Variants in SPC24 observed in about 807,000 individuals in gnomAD.
SPC24 encodes the protein kinetochore protein Spc24.
Under a neutral mutation model 27.6 loss-of-function variants are expected in SPC24, and 31 were observed. The ratio of observed to expected loss-of-function variants is 1.12; its 90% CI spans 0.84 to 1.52. SPC24 has a LOEUF of 1.52. Ranked by LOEUF, SPC24 falls within the 40% of genes most tolerant of loss-of-function variation. The pLI is 0.00. For synonymous variants in SPC24, 105 were observed against 105.8 expected (o/e 0.99, Z 0.05); for missense variants, 284 against 252.5 (o/e 1.12, Z -0.84).
chr19:11,154,417 T>C (rs2077896086), intron 1 of SPC24, among the ~76,000 whole-genome samples: 1 of 152,058 alleles, frequency 6.6e-6, no homozygotes, highest in Non-Finnish European at 1.5e-5. Flanking sequence ...CGCATAAGTG[T>C]GTTCTCAGCT....
intron 1 of SPC24, among the ~76,000 whole-genome samples, chr19:11,152,434 T>C (rs2077879785): frequency 1.3e-5 from 2 of 152,184 alleles, no homozygotes; most frequent in African/African-American, 4.8e-5. Flanking sequence ...GGTCTTTAAC[T>C]CCTGTCCTCA....
At position 11,147,300 on chromosome 19, in the gene SPC24, G is replaced by T; in HGVS notation, c.488-11C>A. On this transcript the variant is annotated splice_polypyrimidine_tract_variant and intron_variant, in intron 4 of 4. Coordinates refer to ENST00000592540, the MANE Select transcript of SPC24 (RefSeq NM_182513.4). ...TGGGGCCATGATGGACTGAGGCACA[G>T]ATGTAAGGAAAGCCCGGGACACACA... 1.3e-6 allele frequency: 2 copies of T among 1,549,054 alleles called. No homozygotes were observed. The highest frequency in any genetic ancestry group is 1.8e-6 in the Non-Finnish European group (2 of 1,142,608).
chr19:11,150,239 C>G (rs920902504), intron 1 of SPC24, among the ~76,000 whole-genome samples: 3 of 148,768 alleles, frequency 2.0e-5, no homozygotes, highest in Non-Finnish European at 4.4e-5. Context: ...ACCTGTAATC[C>G]CAGCGCTTTG....
chr19:11,154,608 T>C (rs1317884119), intron 1 of SPC24, among the ~76,000 whole-genome samples: 3 of 152,170 alleles, frequency 2.0e-5, no homozygotes, highest in African/African-American at 4.8e-5. Context: ...GAGGACATTA[T>C]GCTCCATGAA....
In SPC24 at chr19:11,148,051, C is replaced by G. The variant is rs745329897; in HGVS notation, c.372G>C (p.Glu124Asp). The change falls in exon 3 of 5, where the codon GAG becomes GAC. Residue 124 changes from glutamate to aspartate, a missense_variant. By Grantham distance (45) the Glu-to-Asp change is conservative. Coordinates refer to ENST00000592540, the MANE Select transcript of SPC24 (RefSeq NM_182513.4). ...IEADLERQEKEVDEDTTVTIP... is the reference protein window; with the variant it reads ...IEADLERQEKDVDEDTTVTIP... Reference sequence around the variant, plus strand: ...TTGTGACTGTCGTGTCCTCGTCGACCTCCTTCTCCTGTCGCTCCAGATCCG... The same window carrying G: ...TTGTGACTGTCGTGTCCTCGTCGACGTCCTTCTCCTGTCGCTCCAGATCCG... The G allele has an allele frequency of 6.2e-7, 1 of 1,613,902 alleles. No individual in the cohort carries two copies. The highest frequency in any genetic ancestry group is 1.1e-5 in the South Asian group (1 of 91,070).
chr19:11,151,491 C>T lies in SPC24; in HGVS notation c.161-2253G>A, dbSNP rs536420709. 2.1e-3 allele frequency among the ~76,000 whole-genome samples: 319 copies of T among 152,256 alleles called. 1 individual carries two copies. Among genetic ancestry groups the T allele is most frequent in the African/African-American group, 7.2e-3 (298 of 41,556 alleles). Reference sequence around the variant, plus strand: ...ACAGCCTTCCCACCCGCTGTCTGTCCGCCCTCCCGAAGGACAACCAAGTCT... The same window carrying T: ...ACAGCCTTCCCACCCGCTGTCTGTCTGCCCTCCCGAAGGACAACCAAGTCT... On this transcript the variant is annotated intron_variant, in intron 1 of 4. Transcript: ENST00000592540.
chr19:11,150,684 T>C (rs2077864291), intron 1 of SPC24, among the ~76,000 whole-genome samples: 1 of 151,992 alleles, frequency 6.6e-6, no homozygotes, highest in Non-Finnish European at 1.5e-5. Flanking sequence ...TAGTCCCACC[T>C]ACTTGGGAGG....
intron 4 of SPC24, chr19:11,147,604 T>C: frequency 3.4e-6 from 2 of 589,614 alleles, no homozygotes; most frequent in East Asian, 5.7e-5. Flanking sequence ...TGCTATACTT[T>C]ACTATATTTA....
chr19:11,151,481 G>A (rs1001208338), intron 1 of SPC24, among the ~76,000 whole-genome samples: 5 of 152,112 alleles, frequency 3.3e-5, no homozygotes, highest in East Asian at 1.9e-4. Context: ...CTTCCCACCC[G>A]CTGTCTGTCC....
At chr19:11,148,985 G>A (rs572165459) in intron 2 of SPC24, 109 bp downstream of exon 2, 996 of 1,129,390 alleles carry the variant, frequency 8.8e-4, no homozygotes, top group Admixed American at 1.2e-3. Flanking sequence ...GGGCTCAAGT[G>A]ATCCTCCCAC....
Position 11,147,891 on chromosome 19 carries a change from G to A in SPC24, c.414C>T (p.Tyr138=), listed in dbSNP as rs770724872. ...DTTVTIPSAV[Y]VAQLYHQVSK... Reference sequence around the variant, plus strand: ...TAACTTGGTGGTAAAGTTGAGCCACGTACCTGTACAGGAAGACAAAAAAAA... The same window carrying A: ...TAACTTGGTGGTAAAGTTGAGCCACATACCTGTACAGGAAGACAAAAAAAA... The change falls in exon 4 of 5, where the codon TAC becomes TAT. Residue 138 remains tyrosine (Y), a synonymous_variant. Coordinates refer to ENST00000592540, the MANE Select transcript of SPC24 (RefSeq NM_182513.4). 2.0e-5 allele frequency: 30 copies of A among 1,476,808 alleles called. No individual in the cohort carries two copies. Among genetic ancestry groups the A allele is most frequent in the African/African-American group, 6.2e-5 (4 of 64,184 alleles). The allele number at this position is 1,476,808 out of a possible 1,614,324, so 91.5% of individuals were successfully genotyped here.
chr19:11,153,722 T>A (rs532744332), intron 1 of SPC24, among the ~76,000 whole-genome samples: 1 of 146,280 alleles, frequency 6.8e-6, no homozygotes, highest in African/African-American at 2.6e-5. Flanking sequence ...ATCACGCTGC[T>A]GTACTCCAGC....
chr19:11,151,244 T>C (rs2077869013), intron 1 of SPC24, among the ~76,000 whole-genome samples: 1 of 151,206 alleles, frequency 6.6e-6, no homozygotes, highest in Non-Finnish European at 1.5e-5. Flanking sequence ...AATCAGAGTA[T>C]GACATGTATA....
intron 1 of SPC24, among the ~76,000 whole-genome samples, chr19:11,151,851 G>A (rs1383424736): frequency 2.0e-5 from 3 of 148,798 alleles, no homozygotes; most frequent in Non-Finnish European, 4.4e-5. Context: ...CTTGTGATCC[G>A]CCCACCTTGG....
intron 4 of SPC24, 58 bp downstream of exon 4, chr19:11,147,760 C>A (rs766093793): frequency 1.4e-6 from 2 of 1,475,214 alleles, no homozygotes; most frequent in Admixed American, 1.8e-5. Flanking sequence ...TGCTATGCAC[C>A]ATTTTATGTC....
chr19:11,155,706 T>A lies in SPC24; in HGVS notation c.71A>T (p.Glu24Val), dbSNP rs1029440924. The change falls in exon 1 of 5, where the codon GAG becomes GTG. Residue 24 changes from glutamate (E) to valine (V), a missense_variant. Glu to Val is a moderately radical substitution (Grantham distance 121, BLOSUM62 -2). Coordinates refer to ENST00000592540, the MANE Select transcript of SPC24 (RefSeq NM_182513.4). ...LLSLLGANRA[E>V]AQQRRLLGRH... Reference sequence around the variant, plus strand: ...CCCCAGCAGCCGTCGCTGCTGCGCCTCCGCGCGGTTGGCGCCCAGCAGGCT... The same window carrying A: ...CCCCAGCAGCCGTCGCTGCTGCGCCACCGCGCGGTTGGCGCCCAGCAGGCT... 8.3e-6 allele frequency: 13 copies of A among 1,572,030 alleles called. No individual in the cohort carries two copies. Among genetic ancestry groups the A allele is most frequent in the Non-Finnish European group, 1.0e-5 (12 of 1,167,030 alleles).
At chr19:11,149,698 T>C (rs2077855525) in intron 1 of SPC24, among the ~76,000 whole-genome samples, 1 of 150,508 alleles carries the variant, frequency 6.6e-6, no homozygotes, top group South Asian at 2.1e-4. Flanking sequence ...CTGGTCAACA[T>C]GGTAAAACCC....
At chr19:11,151,162 CA>C (rs397859905) in intron 1 of SPC24, among the ~76,000 whole-genome samples, 34,544 of 87,794 alleles carry the variant, frequency 0.39, 4,009 homozygotes, top group Middle Eastern at 0.53. Context: ...GACTCCGTCT[CA>C]AAAAAAAAAA....
chr19:11,153,119 A>T (rs2077884746), intron 1 of SPC24, among the ~76,000 whole-genome samples: 1 of 152,018 alleles, frequency 6.6e-6, no homozygotes, highest in Admixed American at 6.6e-5. Context: ...TTACCATTTG[A>T]TCTGCTTCTG....
Sources: allele counts gnomAD v4.1 joint callset (sites outside exome capture counted in the v4.1 genomes callset), GRCh38; gene constraint gnomAD v4.1.1; transcripts MANE v1.5; gene names NCBI Gene and HGNC (gene_info 2026-07-23, HGNC 2026-07-21).